The following EPHA6 variants were observed in gnomAD, a reference collection of about 807,000 sequenced individuals.
EPHA6 encodes the protein EPH receptor A6.
EPHA6 carries 50 observed loss-of-function variants against 112.0 expected under a neutral mutation model. The observed-to-expected ratio is 0.45, with a 90% CI of 0.36 to 0.56. The LOEUF (loss-of-function observed/expected upper bound fraction) is 0.56, where lower values mean the gene tolerates loss of function less well. EPHA6 is among the 20% of genes least tolerant of loss of function. The pLI is 0.00. For synonymous variants in EPHA6, 529 were observed against 490.7 expected (o/e 1.08, Z -1.03); for missense variants, 1,280 against 1,417.4 (o/e 0.90, Z 1.56).
chr3:97,255,147 TG>T lies in EPHA6; in HGVS notation c.1606+10861del, dbSNP rs1266252192. Among the ~76,000 whole-genome samples, 8 of 102,912 alleles carry T rather than the reference TG, an allele frequency of 7.8e-5. No homozygotes were observed. In the East Asian group the frequency reaches 2.2e-3, roughly 28 times the overall value. The allele number at this position is 102,912 out of a possible 152,430, so 67.5% of individuals were successfully genotyped here. A position where few individuals can be genotyped will look rare whatever the true frequency, so the allele number is the denominator to read the frequency against. On this transcript the variant is annotated intron_variant, in intron 5 of 17. Coordinates refer to ENST00000389672, the MANE Select transcript of EPHA6 (RefSeq NM_001080448.3). ...TTTTTCCAGAGGTACATCTTGGATG[TG>T]TGTGTGTGTGTGTGTGTGTGTGTGT...
At chr3:96,939,909 G>A (rs546032240) in intron 2 of EPHA6, among the ~76,000 whole-genome samples, 15 of 152,230 alleles carry the variant, frequency 9.9e-5, no homozygotes, top group Non-Finnish European at 1.6e-4. Flanking sequence ...GTAGTTGAGC[G>A]GTTTTGAGTG....
chr3:97,710,208 G>A (rs2033895490), intron 14 of EPHA6, among the ~76,000 whole-genome samples: 1 of 152,124 alleles, frequency 6.6e-6, no homozygotes, highest in Admixed American at 6.6e-5. Context: ...TCAGATGACT[G>A]TGCCCTCTTT....
At position 97,344,257 on chromosome 3, in the gene EPHA6, A is replaced by T. The variant is rs2108870219; in HGVS notation, c.1607-60893A>T. On this transcript the variant is annotated intron_variant, in intron 5 of 17. Coordinates refer to ENST00000389672, the MANE Select transcript of EPHA6 (RefSeq NM_001080448.3). ...AATGTGTGTGTTTTTTATATCTGAG[A>T]AGGACAGGAATTACAGAGGACTGGG... 3.3e-5 allele frequency among the ~76,000 whole-genome samples: 5 copies of T among 152,218 alleles called. No individual in the cohort carries two copies. The Middle Eastern group carries it at 0.017, about 518-fold the overall frequency.
At chr3:97,056,233 T>C (rs2108103673) in intron 3 of EPHA6, among the ~76,000 whole-genome samples, 1 of 152,298 alleles carries the variant, frequency 6.6e-6, no homozygotes, top group Non-Finnish European at 1.5e-5. Context: ...CTATATAATC[T>C]ACTGTGTCTG....
intron 3 of EPHA6, among the ~76,000 whole-genome samples, chr3:97,095,616 C>T (rs1235265028): frequency 6.6e-6 from 1 of 151,822 alleles, no homozygotes; most frequent in Non-Finnish European, 1.5e-5. Flanking sequence ...AAATAATGAC[C>T]ACATTTCCTA....
At chr3:97,615,571 G>T (rs373262171) in intron 13 of EPHA6, among the ~76,000 whole-genome samples, 1 of 152,182 alleles carries the variant, frequency 6.6e-6, no homozygotes, top group African/African-American at 2.4e-5. Flanking sequence ...ACCTGGGACA[G>T]GATAGAGTTC....
chr3:97,043,253 C>T (rs1378639731), intron 3 of EPHA6, among the ~76,000 whole-genome samples: 1 of 152,096 alleles, frequency 6.6e-6, no homozygotes, highest in Non-Finnish European at 1.5e-5. Flanking sequence ...GATGTAATAT[C>T]TCAGTGGTAG....
intron 14 of EPHA6, among the ~76,000 whole-genome samples, chr3:97,719,100 A>ACCCCCCCCG (rs2034393761): frequency 6.1e-5 from 1 of 16,272 alleles, no homozygotes; most frequent in Non-Finnish European, 1.3e-4. Flanking sequence ...CCCCCCCCCC[A>ACCCCCCCCG]CCCCCCCCGC....
intron 6 of EPHA6, chr3:97,441,453 A>T: frequency 1.0e-6 from 1 of 980,072 alleles, no homozygotes; most frequent in Non-Finnish European, 1.2e-6. Context: ...AACGTCCTCA[A>T]CTAGACATCT....
At chr3:97,519,062 A>G (rs1024240530) in intron 10 of EPHA6, among the ~76,000 whole-genome samples, 1 of 151,996 alleles carries the variant, frequency 6.6e-6, no homozygotes, top group Non-Finnish European at 1.5e-5. Context: ...AGCCATACAA[A>G]CTTTGCATAG....
At chr3:96,871,814 T>C (rs1343576096) in intron 2 of EPHA6, among the ~76,000 whole-genome samples, 1 of 152,090 alleles carries the variant, frequency 6.6e-6, no homozygotes, top group Non-Finnish European at 1.5e-5. Flanking sequence ...TGTTATATTT[T>C]ATTAAGTTAG....
chr3:97,646,346 C>T (rs1456921470), intron 14 of EPHA6: 1 of 1,395,506 alleles, frequency 7.2e-7, no homozygotes, highest in South Asian at 1.5e-5. Flanking sequence ...AAATCCTATA[C>T]ATGTAATATA....
At chr3:97,674,813 A>T (rs774586727) in intron 14 of EPHA6, among the ~76,000 whole-genome samples, 2 of 152,212 alleles carry the variant, frequency 1.3e-5, no homozygotes, top group Non-Finnish European at 2.9e-5. Flanking sequence ...CAATGGCTCT[A>T]CATCTTTCCC....
Position 97,693,503 on chromosome 3 carries a change from G to A in EPHA6, c.2785-26758G>A, listed in dbSNP as rs536284080. 9.2e-5 allele frequency among the ~76,000 whole-genome samples: 14 copies of A among 152,274 alleles called. No homozygotes were observed. The South Asian group carries it at 2.9e-3, about 32-fold the overall frequency. ...ATTGCATCAAGAACATATGAACCTT[G>A]TATGTTTCACTATCGAATTGGGATT... On this transcript the variant is annotated intron_variant, in intron 14 of 17. Transcript: ENST00000389672.
At chr3:96,922,905 T>C (rs912935317) in intron 2 of EPHA6, among the ~76,000 whole-genome samples, 1 of 152,184 alleles carries the variant, frequency 6.6e-6, no homozygotes, top group Non-Finnish European at 1.5e-5. Flanking sequence ...CATGCAGTAT[T>C]TGGTTTTCTG....
At chr3:96,942,485 A>T (rs2107691762) in intron 2 of EPHA6, among the ~76,000 whole-genome samples, 1 of 152,250 alleles carries the variant, frequency 6.6e-6, no homozygotes, top group South Asian at 2.1e-4. Flanking sequence ...TTAGGGTGGG[A>T]GTGACCCGAT....
At chr3:97,710,790 A>G (rs960991464) in intron 14 of EPHA6, among the ~76,000 whole-genome samples, 8 of 152,194 alleles carry the variant, frequency 5.3e-5, no homozygotes, top group Non-Finnish European at 7.4e-5. Context: ...CAAAACAAGC[A>G]CCCCAGGATT....
intron 14 of EPHA6, among the ~76,000 whole-genome samples, chr3:97,702,772 T>A (rs190064537): frequency 1.3e-5 from 2 of 152,252 alleles, no homozygotes; most frequent in Non-Finnish European, 2.9e-5. Context: ...TTATTTATTT[T>A]TTTTACAGGT....
intron 3 of EPHA6, among the ~76,000 whole-genome samples, chr3:97,169,187 T>C (rs2076623844): frequency 6.6e-6 from 1 of 152,160 alleles, no homozygotes; most frequent in East Asian, 1.9e-4. Flanking sequence ...TTTGCCTGTG[T>C]TTAATGGCCA....
Sources: allele counts gnomAD v4.1 joint callset (sites outside exome capture counted in the v4.1 genomes callset), GRCh38; gene constraint gnomAD v4.1.1; transcripts MANE v1.5; gene names NCBI Gene and HGNC (gene_info 2026-07-23, HGNC 2026-07-21).